IMPG2: variants seen among roughly 807,000 people sequenced by gnomAD.
The protein encoded by IMPG2 is interphotoreceptor matrix proteoglycan 2.
Under a neutral mutation model 129.2 loss-of-function variants are expected in IMPG2, and 91 were observed. The ratio of observed to expected loss-of-function variants is 0.70; its 90% CI spans 0.59 to 0.84. IMPG2 has a LOEUF of 0.84. Ranked by LOEUF, IMPG2 falls within the 40% of genes least tolerant of loss-of-function variation. The probability of loss-of-function intolerance (pLI) is 0.00; values close to 1 mark genes in which losing one functional copy is unlikely to be tolerated. For missense variants in IMPG2, 1,430 were observed against 1,461.7 expected, an observed-to-expected ratio of 0.98 and a Z score of 0.35; for synonymous variants, 510 against 517.7, an observed-to-expected ratio of 0.99 and a Z score of 0.20.
At chr3:101,306,211 G>C (rs969864684) in intron 2 of IMPG2, among the ~76,000 whole-genome samples, 2 of 152,186 alleles carry the variant, frequency 1.3e-5, no homozygotes, top group Non-Finnish European at 2.9e-5. Flanking sequence ...AAATTGCAAA[G>C]TGCTACATGA....
Position 101,232,983 on chromosome 3 carries a change from C to CTTCATCACCTAAAA in IMPG2, c.3023-6_3030dup (p.Ala1011PhefsTer2), listed in dbSNP as rs754995805. The CTTCATCACCTAAAA allele has an allele frequency of 8.7e-5, 140 of 1,613,904 alleles. No individual in the cohort carries two copies. The highest frequency in any genetic ancestry group is 1.1e-4 in the Non-Finnish European group (134 of 1,179,970). On this transcript the variant is annotated stop_gained and frameshift_variant, in exon 15 of 19. Coordinates refer to ENST00000193391, the MANE Select transcript of IMPG2 (RefSeq NM_016247.4). LOFTEE classifies it high-confidence loss of function. ...CAGGCCTGAAACTTGCAAGGGTTGG[C>CTTCATCACCTAAAA]TTCATCACCTAAAACATTAAACAAA...
chr3:101,251,396 T>C (rs9870114), intron 11 of IMPG2, among the ~76,000 whole-genome samples: 51,478 of 151,982 alleles, frequency 0.34, 11,087 homozygotes, highest in Non-Finnish European at 0.48. Flanking sequence ...AGGATAAATA[T>C]TCCCTAAAAA....
At chr3:101,261,115 C>T (rs570203375) in intron 9 of IMPG2, among the ~76,000 whole-genome samples, 3 of 152,250 alleles carry the variant, frequency 2.0e-5, no homozygotes, top group Middle Eastern at 3.4e-3. Flanking sequence ...TGTTTCCTGG[C>T]CACAGCCCAG....
intron 17 of IMPG2, 84 bp downstream of exon 17, chr3:101,229,296 A>C: frequency 4.0e-6 from 4 of 998,396 alleles, no homozygotes; most frequent in East Asian, 2.6e-5. Context: ...ATACACTCAT[A>C]CACACCCCCA....
At chr3:101,284,211 CA>C (rs1706922203) in intron 4 of IMPG2, among the ~76,000 whole-genome samples, 1 of 152,122 alleles carries the variant, frequency 6.6e-6, no homozygotes, top group Non-Finnish European at 1.5e-5. Context: ...ATGGGAGAAC[CA>C]GGAGTTCAGT....
At position 101,243,879 on chromosome 3, in the gene IMPG2, A is replaced by G. The variant is rs1474668119; in HGVS notation, c.2452T>C (p.Leu818=). The part of the protein sequence containing the change: ...LWLSVTQSTK[L]PPTTISTLLE... ...AGGGTGGAGATTGTGGTTGGAGGCA[A>G]TTTGGTAGACTGTGTCACAGATAAC... The change falls in exon 13 of 19, where the codon TTG becomes CTG. Residue 818 remains leucine, a synonymous_variant. Transcript: ENST00000193391. 18 of 1,614,176 alleles carry G rather than the reference A, an allele frequency of 1.1e-5. No homozygotes were observed. Among genetic ancestry groups the G allele is most frequent in the Non-Finnish European group, 1.4e-5 (17 of 1,180,010 alleles).
chr3:101,266,707 C>T (rs1388813382), intron 9 of IMPG2, among the ~76,000 whole-genome samples: 3 of 152,148 alleles, frequency 2.0e-5, no homozygotes, highest in Non-Finnish European at 4.4e-5. Context: ...ATGATGCCAG[C>T]TGTGCTCCTG....
intron 4 of IMPG2, among the ~76,000 whole-genome samples, chr3:101,281,274 G>C (rs1476257219): frequency 1.3e-5 from 2 of 152,186 alleles, no homozygotes; most frequent in Non-Finnish European, 2.9e-5. Flanking sequence ...CTATAATGGA[G>C]ATAAATGCGG....
In IMPG2 at chr3:101,225,996, A is replaced by T. The variant is rs1331905126; in HGVS notation, c.*973T>A. ...AGAAGCAATGAAAATGAGCTCATCTATATTATGTGAGGTAGTTAAGTGCTG... is the reference window on the plus strand; with the variant it reads ...AGAAGCAATGAAAATGAGCTCATCTTTATTATGTGAGGTAGTTAAGTGCTG... On this transcript the variant is annotated 3_prime_UTR_variant, in exon 19 of 19. Coordinates refer to ENST00000193391, the MANE Select transcript of IMPG2 (RefSeq NM_016247.4). 2 of 154,610 alleles carry T rather than the reference A, an allele frequency of 1.3e-5. No individual in the cohort carries two copies. The highest frequency in any genetic ancestry group is 6.5e-5 in the Admixed American group (1 of 15,272). 9.6% of individuals were successfully genotyped at this position (154,610 alleles called of 1,614,324 possible).
intron 4 of IMPG2, among the ~76,000 whole-genome samples, chr3:101,289,318 C>T (rs1256580017): frequency 6.6e-6 from 1 of 152,154 alleles, no homozygotes; most frequent in African/African-American, 2.4e-5. Flanking sequence ...GGTTAAAAAT[C>T]AGATGCTTAA....
intron 7 of IMPG2, among the ~76,000 whole-genome samples, chr3:101,271,228 G>A (rs1167988601): frequency 1.3e-5 from 2 of 152,166 alleles, no homozygotes; most frequent in Non-Finnish European, 2.9e-5. Flanking sequence ...GACAGTCCAT[G>A]CACAGGCCTT....
At chr3:101,278,950 G>T (rs1156902993) in intron 4 of IMPG2, among the ~76,000 whole-genome samples, 1 of 152,104 alleles carries the variant, frequency 6.6e-6, no homozygotes, top group Non-Finnish European at 1.5e-5. Context: ...GGTTACAGAG[G>T]ATGGAGCTGA....
intron 9 of IMPG2, among the ~76,000 whole-genome samples, chr3:101,265,606 A>G (rs1706714046): frequency 6.6e-6 from 1 of 152,162 alleles, no homozygotes; most frequent in African/African-American, 2.4e-5. Context: ...ACTAGAAGAA[A>G]ACATTGGGGA....
intron 2 of IMPG2, 150 bp from the exon 3 acceptor site, chr3:101,304,462 T>C (rs896860157): frequency 1.0e-5 from 7 of 700,942 alleles, no homozygotes; most frequent in African/African-American, 1.8e-5. Context: ...AGGCCTTCTG[T>C]ATGTATGTCC....
chr3:101,235,091 G>A (rs769206008), intron 14 of IMPG2, among the ~76,000 whole-genome samples: 12 of 152,268 alleles, frequency 7.9e-5, no homozygotes, highest in South Asian at 2.1e-4. Context: ...AATTTTGTGC[G>A]TAAGACAAAG....
chr3:101,275,125 T>C (rs1470143365), intron 6 of IMPG2, among the ~76,000 whole-genome samples: 1 of 152,160 alleles, frequency 6.6e-6, no homozygotes, highest in Admixed American at 6.5e-5. Flanking sequence ...TTAAATATCT[T>C]ATCTAACAAA....
chr3:101,276,728 G>T lies in IMPG2; in HGVS notation c.534-15C>A. The T allele has an allele frequency of 1.9e-6, 3 of 1,594,978 alleles. No homozygotes were observed. Among genetic ancestry groups the T allele is most frequent in the Non-Finnish European group, 2.6e-6 (3 of 1,163,352 alleles). ...ACAGTTCAGAGCTAGAAAAAAAAATGTTTGCAGTTAATAAAATGACAGACA... is the reference window on the plus strand; with the variant it reads ...ACAGTTCAGAGCTAGAAAAAAAAATTTTTGCAGTTAATAAAATGACAGACA... On this transcript the variant is annotated splice_polypyrimidine_tract_variant and intron_variant, in intron 4 of 18. Transcript: ENST00000193391.
intron 10 of IMPG2, among the ~76,000 whole-genome samples, chr3:101,254,743 C>G (rs1706580486): frequency 6.6e-6 from 1 of 152,092 alleles, no homozygotes; most frequent in South Asian, 2.1e-4. Context: ...TGGTTTGGCT[C>G]TATGTCTCCA....
chr3:101,260,496 G>A (rs1179122958), intron 9 of IMPG2, among the ~76,000 whole-genome samples: 1 of 152,010 alleles, frequency 6.6e-6, no homozygotes, highest in South Asian at 2.1e-4. Flanking sequence ...CAATAAGAGG[G>A]TCACCTACCG....
Sources: allele counts gnomAD v4.1 joint callset (sites outside exome capture counted in the v4.1 genomes callset), GRCh38; gene constraint gnomAD v4.1.1; transcripts MANE v1.5; gene names NCBI Gene and HGNC (gene_info 2026-07-23, HGNC 2026-07-21).